The following ZDBF2 variants were observed in gnomAD, a reference collection of about 807,000 sequenced individuals.
ZDBF2 encodes the protein zinc finger DBF-type containing 2.
In ZDBF2, 6 loss-of-function variants were observed where a neutral mutation model predicts 9.4. The ratio of observed to expected loss-of-function variants is 0.64; its 90% CI spans 0.35 to 1.27. The LOEUF (loss-of-function observed/expected upper bound fraction) is 1.27. Ranked by LOEUF, ZDBF2 falls within the 50% of genes most tolerant of loss-of-function variation. The probability of loss-of-function intolerance (pLI) is 0.03; values close to 1 mark genes in which losing one functional copy is unlikely to be tolerated. For synonymous variants in ZDBF2, 905 were observed against 946.3 expected, an observed-to-expected ratio of 0.96 and a Z score of 0.80; for missense variants, 2,697 against 2,766.8, an observed-to-expected ratio of 0.97 and a Z score of 0.57.
rs180823935 is a variant in ZDBF2, at chr2:206,308,683, C to T, written c.4155C>T (p.Val1385=). ...QAAADELQKP[V]KEINLWKEDH... ...CAGCAGATGAGCTTCAAAAACCTGT[C>T]AAAGAAATAAATCTTTGGAAGGAAG... Residue 1385 remains valine, a synonymous_variant, in exon 5 of 5, where the codon GTC becomes GTT. Coordinates refer to ENST00000374423, the MANE Select transcript of ZDBF2 (RefSeq NM_020923.3). The T allele has an allele frequency of 4.5e-5, 72 of 1,612,380 alleles. 1 individual carries two copies. The African/African-American group carries it at 7.6e-4, about 17-fold the overall frequency.
chr2:206,275,899 A>G (rs1467690054), intron 1 of ZDBF2, among the ~76,000 whole-genome samples: 1 of 152,224 alleles, frequency 6.6e-6, no homozygotes, highest in Non-Finnish European at 1.5e-5. Flanking sequence ...GTTTGAACCT[A>G]AAGCCTAGAA....
chr2:206,277,272 C>T (rs1224039020), intron 1 of ZDBF2, among the ~76,000 whole-genome samples: 1 of 151,354 alleles, frequency 6.6e-6, no homozygotes, highest in Non-Finnish European at 1.5e-5. Flanking sequence ...TTTACCTCTG[C>T]AGCTGGTGCA....
intron 3 of ZDBF2, among the ~76,000 whole-genome samples, chr2:206,293,458 A>T (rs2105922393): frequency 6.6e-6 from 1 of 152,336 alleles, no homozygotes; most frequent in South Asian, 2.1e-4. Flanking sequence ...ACTGCAATAA[A>T]GTTAAACAAT....
Position 206,312,972 on chromosome 2 carries a change from C to T in ZDBF2, c.*1379C>T, listed in dbSNP as rs1693263995. The T allele has an allele frequency of 6.6e-6, 1 of 152,130 alleles. No individual in the cohort carries two copies. The allele number at this position is 152,130 out of a possible 1,614,324, so 9.4% of individuals were successfully genotyped here. A position where few individuals can be genotyped will look rare whatever the true frequency, so the allele number is the denominator to read the frequency against. ...TGAGTCTGGGATACTCAGAATAGAT[C>T]CAGAACCTTTATTCAGGGACACTGG... On this transcript the variant is annotated 3_prime_UTR_variant, in exon 5 of 5. Transcript: ENST00000374423.
In ZDBF2 at chr2:206,306,308, G is replaced by A; in HGVS notation, c.1780G>A (p.Asp594Asn). Residue 594 changes from aspartate (D) to asparagine (N), a missense_variant, in exon 5 of 5, where the codon GAT becomes AAT. Physicochemically the swap from Asp to Asn is conservative, Grantham distance 23. Coordinates refer to ENST00000374423, the MANE Select transcript of ZDBF2 (RefSeq NM_020923.3). ...DCDVSLESVV[D>N]HPQLTVKGRN... ...TGATGTTTCTCTTGAGTCAGTAGTT[G>A]ATCATCCCCAACTGACTGTCAAAGG... 6.2e-7 allele frequency: 1 copy of A among 1,613,656 alleles called. No homozygotes were observed. Among genetic ancestry groups the A allele is most frequent in the East Asian group, 2.2e-5 (1 of 44,878 alleles).
chr2:206,310,925 A>G lies in ZDBF2; in HGVS notation c.6397A>G (p.Lys2133Glu), dbSNP rs774039067. 2.3e-5 allele frequency: 37 copies of G among 1,613,818 alleles called. No homozygotes were observed. Among genetic ancestry groups the G allele is most frequent in the Admixed American group, 3.3e-5 (2 of 60,000 alleles). Reference protein sequence around the residue: ...SDSSLFLEESKVLHARELPKK... With the variant: ...SDSSLFLEESEVLHARELPKK... The stretch of plus-strand genomic sequence containing the variant: ...CTCTTCTCTGTTTCTGGAAGAATCA[A>G]AGGTTCTGCATGCTCGTGAGCTTCC... Residue 2133 changes from lysine to glutamate, a missense_variant, in exon 5 of 5, where the codon AAG becomes GAG. Physicochemically the swap from Lys to Glu is moderately conservative, Grantham distance 56. Around this residue, in one of 3 missense-constraint regions of ZDBF2, gnomAD observed 1,783 missense variants for 1,776.5 expected, o/e 1.00. Transcript: ENST00000374423.
At position 206,306,756 on chromosome 2, in the gene ZDBF2, A is replaced by G; in HGVS notation, c.2228A>G (p.Tyr743Cys). The change falls in exon 5 of 5, where the codon TAT (tyrosine) becomes TGT (cysteine). Residue 743 changes from tyrosine (Y) to cysteine (C), a missense_variant. Tyr to Cys is a radical substitution (Grantham distance 194). Transcript: ENST00000374423. ...AATATTGACATGGAAGTTAGGAGCTATGATTGCTCCAGCTCTGAGTTGACT... is the reference window on the plus strand; with the variant it reads ...AATATTGACATGGAAGTTAGGAGCTGTGATTGCTCCAGCTCTGAGTTGACT... ...ELNIDMEVRS[Y>C]DCSSSELTFD... 3.1e-6 allele frequency: 5 copies of G among 1,613,856 alleles called. No individual in the cohort carries two copies. The highest frequency in any genetic ancestry group is 3.4e-6 in the Non-Finnish European group (4 of 1,179,784).
Position 206,306,430 on chromosome 2 carries a change from A to T in ZDBF2, c.1902A>T (p.Thr634=). ...AHLDCDVSLG[T]VADESQRAVE... ...TTGATTGTGATGTCTCACTTGGGAC[A>T]GTTGCAGATGAATCCCAGAGGGCTG... is the stretch of plus-strand genomic sequence containing the variant. Residue 634 remains threonine, a synonymous_variant, in exon 5 of 5, where the codon ACA becomes ACT. Coordinates refer to ENST00000374423, the MANE Select transcript of ZDBF2 (RefSeq NM_020923.3). 1.2e-6 allele frequency: 2 copies of T among 1,613,880 alleles called. No homozygotes were observed. Among genetic ancestry groups the T allele is most frequent in the Non-Finnish European group, 1.7e-6 (2 of 1,179,810 alleles).
chr2:206,293,366 G>A (rs1437679157), intron 3 of ZDBF2, among the ~76,000 whole-genome samples: 1 of 152,140 alleles, frequency 6.6e-6, no homozygotes, highest in African/African-American at 2.4e-5. Context: ...TCTAGAAACA[G>A]GAGAAAATCT....
intron 2 of ZDBF2, among the ~76,000 whole-genome samples, chr2:206,279,808 T>C (rs912398229): frequency 2.0e-5 from 3 of 152,164 alleles, no homozygotes; most frequent in Non-Finnish European, 2.9e-5. Flanking sequence ...TTATTCTATT[T>C]TATTTTATTT....
At chr2:206,291,200 A>G (rs546145592) in intron 3 of ZDBF2, among the ~76,000 whole-genome samples, 1 of 152,118 alleles carries the variant, frequency 6.6e-6, no homozygotes, top group Non-Finnish European at 1.5e-5. Context: ...GTGGAAGACA[A>G]TTTTTCCACA....
chr2:206,276,185 A>G (rs570118586), intron 1 of ZDBF2, among the ~76,000 whole-genome samples: 1 of 152,338 alleles, frequency 6.6e-6, no homozygotes, highest in South Asian at 2.1e-4. Flanking sequence ...TTTGTGAAAA[A>G]TATTTTAACT....
Position 206,306,732 on chromosome 2 carries a change from A to C in ZDBF2, c.2204A>C (p.Asn735Thr), listed in dbSNP as rs1284680758. 3.1e-6 allele frequency: 5 copies of C among 1,613,862 alleles called. No individual in the cohort carries two copies. Among genetic ancestry groups the C allele is most frequent in the Non-Finnish European group, 4.2e-6 (5 of 1,179,800 alleles). ...ALDEVNLKEL[N>T]IDMEVRSYDC... ...GATGAAGTAAATCTTAAAGAGTTAA[A>C]TATTGACATGGAAGTTAGGAGCTAT... Residue 735 changes from asparagine (N) to threonine (T), a missense_variant, in exon 5 of 5, where the codon AAT (asparagine) becomes ACT (threonine). Physicochemically the swap from Asn to Thr is moderately conservative, Grantham distance 65. Coordinates refer to ENST00000374423, the MANE Select transcript of ZDBF2 (RefSeq NM_020923.3).
chr2:206,274,834 G>C lies in ZDBF2; in HGVS notation c.-215G>C, dbSNP rs1468966356. 1 of 152,130 alleles carries C rather than the reference G, an allele frequency of 6.6e-6. No homozygotes were observed. The highest frequency in any genetic ancestry group is 1.5e-5 in the Non-Finnish European group (1 of 68,000). 9.4% of individuals were successfully genotyped at this position (152,130 alleles called of 1,614,324 possible). On this transcript the variant is annotated 5_prime_UTR_variant, in exon 1 of 5. Transcript: ENST00000374423. ...CGCGGGCAGCGGGGCCGTGGCGCTC[G>C]GACGGTCTGGGATTCGGGCGCCGCC...
At position 206,307,230 on chromosome 2, in the gene ZDBF2, A is replaced by G; in HGVS notation, c.2702A>G (p.Gln901Arg). 6.2e-7 allele frequency: 1 copy of G among 1,607,538 alleles called. No homozygotes were observed. Among genetic ancestry groups the G allele is most frequent in the Non-Finnish European group, 8.5e-7 (1 of 1,178,326 alleles). The change falls in exon 5 of 5, where the codon CAG (glutamine) becomes CGG (arginine). Residue 901 changes from glutamine to arginine, a missense_variant. Physicochemically the swap from Gln to Arg is conservative, Grantham distance 43 (BLOSUM62 1). Transcript: ENST00000374423. The part of the protein sequence containing the change: ...VKKLNPQKEE[Q>R]VHLENKENEP... ...AAGCTAAATCCTCAAAAAGAAGAGC[A>G]GGTACACTTAGAAAATAAGGAAAAT...
intron 1 of ZDBF2, among the ~76,000 whole-genome samples, chr2:206,276,344 G>T (rs1231700267): frequency 1.3e-5 from 2 of 152,116 alleles, no homozygotes; most frequent in African/African-American, 4.8e-5. Context: ...GTGCGTGTGT[G>T]CTCGGTTGTA....
chr2:206,309,386 T>A lies in ZDBF2; in HGVS notation c.4858T>A (p.Ser1620Thr). ...YIILGEPSCQ[S>T]CGSEMNFNVD... ...TATTCTGGGAGAGCCAAGTTGTCAATCTTGTGGTTCTGAAATGAATTTTAA... is the reference window on the plus strand; with the variant it reads ...TATTCTGGGAGAGCCAAGTTGTCAAACTTGTGGTTCTGAAATGAATTTTAA... Residue 1620 changes from serine to threonine, a missense_variant, in exon 5 of 5, where the codon TCT (serine) becomes ACT (threonine). Around this residue, in one of 3 missense-constraint regions of ZDBF2, gnomAD observed 1,783 missense variants for 1,776.5 expected, o/e 1.00. Coordinates refer to ENST00000374423, the MANE Select transcript of ZDBF2 (RefSeq NM_020923.3). The A allele has an allele frequency of 6.2e-7, 1 of 1,613,728 alleles. No homozygotes were observed. The highest frequency in any genetic ancestry group is 1.6e-4 in the Middle Eastern group (1 of 6,062).
At chr2:206,275,108 C>T (rs753123254) in intron 1 of ZDBF2, among the ~76,000 whole-genome samples, 162 bp downstream of exon 1, 23 of 152,208 alleles carry the variant, frequency 1.5e-4, no homozygotes, top group African/African-American at 5.5e-4. Flanking sequence ...CCCCGCGTCC[C>T]TTTCTGCCCC....
rs755699376 is a variant in ZDBF2, at chr2:206,310,964, T to A, written c.6436T>A (p.Phe2146Ile). 1.2e-6 allele frequency: 2 copies of A among 1,613,752 alleles called. No homozygotes were observed. The highest frequency in any genetic ancestry group is 3.3e-5 in the Admixed American group (2 of 60,000). Reference protein sequence around the residue: ...HARELPKKRNFQLTFLNHDVV... With the variant: ...HARELPKKRNIQLTFLNHDVV... ...TCGTGAGCTTCCAAAGAAAAGAAAT[T>A]TCCAGCTAACATTTTTAAATCATGA... Residue 2146 changes from phenylalanine to isoleucine, a missense_variant, in exon 5 of 5, where the codon TTC (phenylalanine) becomes ATC (isoleucine). Transcript: ENST00000374423.
Sources: gnomAD v4.1 joint callset for allele counts (sites outside exome capture counted in the v4.1 genomes callset) on GRCh38, gnomAD v4.1.1 for gene constraint, gnomAD v4.1.1 regional missense constraint, MANE v1.5 for transcripts, NCBI Gene and HGNC (gene_info 2026-07-23, HGNC 2026-07-21) for gene names.